Variants in ADGRA3 observed in about 807,000 individuals in gnomAD.
ADGRA3 encodes adhesion G protein-coupled receptor A3, also known as G-protein coupled receptor 125.
A neutral mutation model predicts 119.8 loss-of-function variants in ADGRA3; 56 were observed. The ratio of observed to expected loss-of-function variants is 0.47; its 90% CI spans 0.38 to 0.58. The LOEUF (loss-of-function observed/expected upper bound fraction) is 0.58, where lower values mean the gene tolerates loss of function less well. ADGRA3 is among the 20% of genes least tolerant of loss of function. The probability of loss-of-function intolerance (pLI) is 0.00; values close to 1 mark genes in which losing one functional copy is unlikely to be tolerated. For synonymous variants in ADGRA3, 607 were observed against 623.8 expected, an observed-to-expected ratio of 0.97 and a Z score of 0.40; for missense variants, 1,516 against 1,649.0, an observed-to-expected ratio of 0.92 and a Z score of 1.40.
At chr4:22,509,537 T>G (rs1719365828) in intron 1 of ADGRA3, among the ~76,000 whole-genome samples, 1 of 149,998 alleles carries the variant, frequency 6.7e-6, no homozygotes, top group African/African-American at 2.4e-5. Context: ...AAAAAAAGCA[T>G]GCAGTTCACT....
intron 1 of ADGRA3, among the ~76,000 whole-genome samples, chr4:22,483,795 T>C (rs1175424690): frequency 1.3e-5 from 2 of 152,134 alleles, no homozygotes; most frequent in Non-Finnish European, 2.9e-5. Context: ...TAATAGAAGA[T>C]TGCATATGCT....
At chr4:22,507,255 A>T (rs1577390436) in intron 1 of ADGRA3, among the ~76,000 whole-genome samples, 1 of 152,168 alleles carries the variant, frequency 6.6e-6, no homozygotes, top group Middle Eastern at 3.4e-3. Flanking sequence ...AAATAAAATA[A>T]ATAAAATAAG....
intron 4 of ADGRA3, among the ~76,000 whole-genome samples, chr4:22,449,674 C>T (rs113077976): frequency 2.1e-4 from 32 of 152,058 alleles, no homozygotes; most frequent in African/African-American, 7.7e-4. Flanking sequence ...GGTGAAACCC[C>T]GTCTCTACTA....
rs139831842 is a variant in ADGRA3 at position 22,468,771 on chromosome 4, A to G, written c.329+5001T>C. 9.0e-3 allele frequency among the ~76,000 whole-genome samples: 1,363 copies of G among 151,342 alleles called. 37 individuals carry two copies. The highest frequency in any genetic ancestry group is 0.05 in the East Asian group (256 of 5,118). Reference sequence around the variant, plus strand: ...GCAACAGAGTAAGACTCTGTCTCAAAAAAAAAAAAAAGATAGAGATGGAAG... The same window carrying G: ...GCAACAGAGTAAGACTCTGTCTCAAGAAAAAAAAAAAGATAGAGATGGAAG... On this transcript the variant is annotated intron_variant, in intron 2 of 18. Transcript: ENST00000334304.
At chr4:22,398,013 C>A (rs909576994) in intron 16 of ADGRA3, 2 of 938,158 alleles carry the variant, frequency 2.1e-6, no homozygotes, top group Admixed American at 6.2e-5. Context: ...TGGGAGTCAG[C>A]GACATGAAGA....
chr4:22,412,941 A>G (rs1188352898), intron 14 of ADGRA3, among the ~76,000 whole-genome samples: 1 of 152,242 alleles, frequency 6.6e-6, no homozygotes, highest in African/African-American at 2.4e-5. Flanking sequence ...TTGACTTATA[A>G]AGTTGATTTA....
chr4:22,503,645 A>G lies in ADGRA3; in HGVS notation c.257+11883T>C, dbSNP rs1352095816. 2.9e-4 allele frequency among the ~76,000 whole-genome samples: 23 copies of G among 78,296 alleles called. No individual in the cohort carries two copies. In the Admixed American group the frequency reaches 3.1e-3, roughly 10 times the overall value. 51.4% of individuals were successfully genotyped at this position (78,296 alleles called of 152,430 possible). ...ACTATGGATACATGAGGAAACTGAC[A>G]CCTCAATAGAACTGACATTCTAGAT... On this transcript the variant is annotated intron_variant, in intron 1 of 18. Transcript: ENST00000334304.
chr4:22,445,766 A>G (rs982365234), intron 5 of ADGRA3, among the ~76,000 whole-genome samples: 7 of 152,222 alleles, frequency 4.6e-5, no homozygotes, highest in African/African-American at 9.6e-5. Flanking sequence ...AAGCATACAA[A>G]TAAGAATACC....
chr4:22,388,049 T>G lies in ADGRA3; in HGVS notation c.3622A>C (p.Lys1208Gln), dbSNP rs1713918872. ...CCTTCGTTATTGCCCAGCCGGCTTT[T>G]AGGTAAGCCGTTCTGCACGCTTCCT... ...VEGSVQNGLP[K>Q]SRLGNNEGHS... Residue 1208 changes from lysine to glutamine, a missense_variant, in exon 19 of 19, where the codon AAA becomes CAA. This residue lies in a region of ADGRA3 where 1,088 missense variants were observed against 1,107.1 expected (regional missense o/e 0.98). Coordinates refer to ENST00000334304, the MANE Select transcript of ADGRA3 (RefSeq NM_145290.4). The G allele has an allele frequency of 6.2e-7, 1 of 1,614,044 alleles. No individual in the cohort carries two copies. Among genetic ancestry groups the G allele is most frequent in the Non-Finnish European group, 8.5e-7 (1 of 1,180,018 alleles).
intron 1 of ADGRA3, chr4:22,477,740 T>TA (rs1718102431): frequency 6.6e-6 from 1 of 152,194 alleles, no homozygotes; most frequent in African/African-American, 2.4e-5. Context: ...TCATCACACT[T>TA]AAAACGTTAT....
At chr4:22,416,359 G>C (rs566702487) in intron 12 of ADGRA3, among the ~76,000 whole-genome samples, 2 of 152,080 alleles carry the variant, frequency 1.3e-5, no homozygotes, top group Non-Finnish European at 2.9e-5. Context: ...ACAAGTTTTC[G>C]GTTTCCAGTA....
chr4:22,412,663 A>G (rs1384759900), intron 14 of ADGRA3, among the ~76,000 whole-genome samples: 1 of 152,208 alleles, frequency 6.6e-6, no homozygotes, highest in Admixed American at 6.5e-5. Flanking sequence ...AAACAACACT[A>G]GACTGGCATT....
intron 1 of ADGRA3, among the ~76,000 whole-genome samples, chr4:22,505,039 T>C (rs1719189235): frequency 6.6e-6 from 1 of 152,162 alleles, no homozygotes; most frequent in African/African-American, 2.4e-5. Flanking sequence ...GGGACTTGGA[T>C]GGATGCAAGC....
intron 1 of ADGRA3, among the ~76,000 whole-genome samples, chr4:22,495,691 G>A (rs896098124): frequency 5.3e-5 from 8 of 151,956 alleles, no homozygotes; most frequent in Admixed American, 3.9e-4. Context: ...GGTGGATGAC[G>A]AGGTCAGGAG....
At chr4:22,452,145 T>C (rs751686939) in intron 4 of ADGRA3, among the ~76,000 whole-genome samples, 14 of 152,314 alleles carry the variant, frequency 9.2e-5, no homozygotes, top group African/African-American at 3.4e-4. Context: ...CCACGTTGTC[T>C]TTAAAAGGTA....
Position 22,453,656 on chromosome 4 carries a change from C to T in ADGRA3, c.473+1210G>A, listed in dbSNP as rs185921591. ...TCCACTCCACATCTAGCATTTCATGCGGAACCCTATTCCCAGACTACTTGT... is the reference window on the plus strand; with the variant it reads ...TCCACTCCACATCTAGCATTTCATGTGGAACCCTATTCCCAGACTACTTGT... On this transcript the variant is annotated intron_variant, in intron 4 of 18. Coordinates refer to ENST00000334304, the MANE Select transcript of ADGRA3 (RefSeq NM_145290.4). Among the ~76,000 whole-genome samples the T allele has an allele frequency of 7.9e-5, 12 of 152,288 alleles. No individual in the cohort carries two copies. The East Asian group carries it at 2.1e-3, about 27-fold the overall frequency.
In ADGRA3 at chr4:22,388,030, T is replaced by G. The variant is rs144314535; in HGVS notation, c.3641A>C (p.Asn1214Thr). Residue 1214 changes from asparagine (N) to threonine (T), a missense_variant, in exon 19 of 19, where the codon AAC becomes ACC. Coordinates refer to ENST00000334304, the MANE Select transcript of ADGRA3 (RefSeq NM_145290.4). ...NGLPKSRLGN[N>T]EGHSRSRRAY... Reference sequence around the variant, plus strand: ...TCTTCGGCTCCTCGAGTGTCCTTCGTTATTGCCCAGCCGGCTTTTAGGTAA... The same window carrying G: ...TCTTCGGCTCCTCGAGTGTCCTTCGGTATTGCCCAGCCGGCTTTTAGGTAA... 3.7e-5 allele frequency: 59 copies of G among 1,614,158 alleles called. No homozygotes were observed. The African/African-American group carries it at 6.1e-4, about 17-fold the overall frequency.
intron 16 of ADGRA3, among the ~76,000 whole-genome samples, chr4:22,397,034 C>T (rs1365912512): frequency 2.0e-5 from 3 of 152,112 alleles, no homozygotes; most frequent in Non-Finnish European, 4.4e-5. Context: ...GTCAAAATGG[C>T]TCCAGGTTTG....
intron 12 of ADGRA3, 147 bp from the exon 13 acceptor site, chr4:22,413,961 C>A (rs1715329290): frequency 3.5e-6 from 2 of 564,072 alleles, no homozygotes; most frequent in Admixed American, 3.5e-5. Flanking sequence ...TTAAAAAAAT[C>A]ATCAGTCAAG....
Sources: allele counts gnomAD v4.1 joint callset (sites outside exome capture counted in the v4.1 genomes callset), GRCh38; gene constraint gnomAD v4.1.1; regional missense constraint gnomAD v4.1.1; transcripts MANE v1.5; gene names NCBI Gene and HGNC (gene_info 2026-07-23, HGNC 2026-07-21).